Variants in ANAPC4 observed in about 807,000 individuals in gnomAD.
ANAPC4 encodes the protein anaphase-promoting complex subunit 4.
ANAPC4 carries 63 observed loss-of-function variants against 119.8 expected under a neutral mutation model. The ratio of observed to expected loss-of-function variants is 0.53; its 90% confidence interval spans 0.43 to 0.65. The LOEUF (loss-of-function observed/expected upper bound fraction) is 0.65. ANAPC4 is among the 30% of genes least tolerant of loss of function. The pLI is 0.00. For synonymous variants in ANAPC4, 283 were observed against 318.6 expected (o/e 0.89, Z 1.19); for missense variants, 716 against 945.1 (o/e 0.76, Z 3.18).
chr4:25,399,912 C>T (rs1363091430), intron 16 of ANAPC4, among the ~76,000 whole-genome samples: 1 of 152,094 alleles, frequency 6.6e-6, no homozygotes, highest in African/African-American at 2.4e-5. Context: ...GAGGAGTAGG[C>T]GTCCTGCAGG....
chr4:25,393,530 C>T (rs187556192), intron 10 of ANAPC4, among the ~76,000 whole-genome samples: 4 of 152,116 alleles, frequency 2.6e-5, no homozygotes, highest in Admixed American at 6.5e-5. Context: ...GGCATGGTGA[C>T]GCACGCATAT....
intron 26 of ANAPC4, 34 bp downstream of exon 26, chr4:25,415,574 A>G (rs1723819173): frequency 1.3e-6 from 2 of 1,550,790 alleles, no homozygotes; most frequent in Middle Eastern, 1.7e-4. Flanking sequence ...TGAAATGTAG[A>G]TACATGTGAT....
At chr4:25,416,299 T>G in intron 26 of ANAPC4, 126 bp from the exon 27 acceptor site, 1 of 492,480 alleles carries the variant, frequency 2.0e-6, no homozygotes, top group Non-Finnish European at 3.4e-6. Flanking sequence ...ATATTTTAAA[T>G]GTTATTGTAC....
At chr4:25,402,864 G>C (rs1723052575) in intron 16 of ANAPC4, 107 bp from the exon 17 acceptor site, 2 of 538,292 alleles carry the variant, frequency 3.7e-6, no homozygotes, top group Non-Finnish European at 6.2e-6. Context: ...ACCCAGATAG[G>C]ATAAAATAGA....
intron 9 of ANAPC4, 48 bp from the exon 10 acceptor site, chr4:25,392,290 C>A: frequency 7.6e-7 from 1 of 1,307,850 alleles, no homozygotes; most frequent in Non-Finnish European, 1.1e-6. Flanking sequence ...ACAGACTTTG[C>A]AGCAAGTGCA....
chr4:25,397,880 C>T (rs183461105), intron 16 of ANAPC4, among the ~76,000 whole-genome samples: 40 of 151,450 alleles, frequency 2.6e-4, no homozygotes, highest in Non-Finnish European at 4.7e-4. Context: ...AACCTGAATT[C>T]TCTTGTATTA....
chr4:25,417,832 C>T, intron 28 of ANAPC4, 93 bp downstream of exon 28: 1 of 1,466,818 alleles, frequency 6.8e-7, no homozygotes, highest in Non-Finnish European at 9.1e-7. Flanking sequence ...ATATAAGGTC[C>T]TTTTGTGCAA....
chr4:25,392,567 C>A, intron 10 of ANAPC4, 146 bp downstream of exon 10: 1 of 587,556 alleles, frequency 1.7e-6, no homozygotes, highest in Non-Finnish European at 3.0e-6. Context: ...TCCATTAAAG[C>A]AGGAAAAGGA....
intron 21 of ANAPC4, 87 bp from the exon 22 acceptor site, chr4:25,413,558 A>C: frequency 1.0e-6 from 1 of 964,690 alleles, no homozygotes; most frequent in Non-Finnish European, 1.6e-6. Flanking sequence ...AACTGTGCAG[A>C]CTGGCTCTAA....
intron 16 of ANAPC4, among the ~76,000 whole-genome samples, chr4:25,397,853 C>T (rs931073289): frequency 6.6e-6 from 1 of 151,166 alleles, no homozygotes; most frequent in Non-Finnish European, 1.5e-5. Flanking sequence ...ATTCATTGTG[C>T]TATAATAAGC....
chr4:25,381,297 T>C (rs1275283262), intron 3 of ANAPC4, among the ~76,000 whole-genome samples: 2 of 152,124 alleles, frequency 1.3e-5, no homozygotes, highest in Non-Finnish European at 2.9e-5. Flanking sequence ...TGCTTTTTCT[T>C]TTCCCCCCCA....
intron 26 of ANAPC4, chr4:25,416,047 A>G (rs1311759284): frequency 1.8e-5 from 3 of 167,320 alleles, no homozygotes; most frequent in African/African-American, 2.4e-5. Context: ...TGCTGTGCCT[A>G]TTTTTCATGT....
At chr4:25,414,570 A>G (rs1170564631) in intron 24 of ANAPC4, 29 bp from the exon 25 acceptor site, 1 of 1,558,598 alleles carries the variant, frequency 6.4e-7, no homozygotes, top group Non-Finnish European at 8.7e-7. Flanking sequence ...TCAATAGTTA[A>G]AAAATATTAT....
At chr4:25,410,577 A>G (rs1379558641) in intron 21 of ANAPC4, among the ~76,000 whole-genome samples, 1 of 152,194 alleles carries the variant, frequency 6.6e-6, no homozygotes, top group Non-Finnish European at 1.5e-5. Context: ...CTGGTTAGTG[A>G]TGGAGCTAGG....
chr4:25,406,730 G>A (rs1723270122), intron 18 of ANAPC4, 99 bp from the exon 19 acceptor site: 3 of 890,610 alleles, frequency 3.4e-6, no homozygotes, highest in Admixed American at 3.0e-5. Context: ...ATGGCTTTTA[G>A]TAGATAGTAA....
At chr4:25,383,235 A>C in intron 3 of ANAPC4, 26 bp from the exon 4 acceptor site, 4 of 1,576,718 alleles carry the variant, frequency 2.5e-6, no homozygotes, top group Non-Finnish European at 3.4e-6. Flanking sequence ...ACACTAATTT[A>C]TTCTGATTGT....
chr4:25,377,393 G>T (rs1265235048), intron 1 of ANAPC4, 25 bp from the exon 2 acceptor site: 2 of 1,610,322 alleles, frequency 1.2e-6, no homozygotes, highest in East Asian at 2.2e-5. Flanking sequence ...GCTCCTGCCG[G>T]CCTCTGACTG....
intron 8 of ANAPC4, 125 bp from the exon 9 acceptor site, chr4:25,390,786 G>T: frequency 1.5e-6 from 1 of 668,074 alleles, no homozygotes; most frequent in Non-Finnish European, 2.6e-6. Context: ...TCTGCTACAT[G>T]TGTGTGGCTG....
chr4:25,410,055 A>T (rs1723477364), intron 21 of ANAPC4, among the ~76,000 whole-genome samples: 2 of 152,188 alleles, frequency 1.3e-5, no homozygotes, highest in African/African-American at 4.8e-5. Context: ...TGCACCCTGT[A>T]AAAAATAGGA....
Sources: allele counts gnomAD v4.1 joint callset (sites outside exome capture counted in the v4.1 genomes callset), GRCh38; gene constraint gnomAD v4.1.1; transcripts MANE v1.5; gene names NCBI Gene and HGNC (gene_info 2026-07-23, HGNC 2026-07-21).